LTBP1: variants seen among roughly 807,000 people sequenced by gnomAD.
LTBP1 encodes latent-transforming growth factor beta-binding protein 1.
A neutral mutation model predicts 207.6 loss-of-function variants in LTBP1; 129 were observed. The observed-to-expected ratio is 0.62, with a 90% confidence interval of 0.54 to 0.72. LTBP1 has a LOEUF of 0.72. Ranked by LOEUF, LTBP1 falls within the 30% of genes least tolerant of loss-of-function variation. LTBP1 has a pLI of 0.00. For synonymous variants in LTBP1, 963 were observed against 833.7 expected, an observed-to-expected ratio of 1.16 and a Z score of -2.67; for missense variants, 2,281 against 2,217.2, an observed-to-expected ratio of 1.03 and a Z score of -0.58.
Position 33,309,482 on chromosome 2 carries a change from G to T in LTBP1, c.3530G>T (p.Cys1177Phe). The T allele has an allele frequency of 6.2e-7, 1 of 1,610,602 alleles. No individual in the cohort carries two copies. The highest frequency in any genetic ancestry group is 2.2e-5 in the East Asian group (1 of 44,692). Residue 1177 changes from cysteine to phenylalanine, a missense_variant, in exon 23 of 34, where the codon TGC (cysteine) becomes TTC (phenylalanine). Physicochemically the swap from Cys to Phe is radical, Grantham distance 205. This residue lies in a region of LTBP1 where 1,671 missense variants were observed against 1,634.8 expected (regional missense o/e 1.02). Transcript: ENST00000404816. The part of the protein sequence containing the change: ...EDKSVCQRGD[C>F]INTAGSYDCT... ...AAGAGTGTTTGCCAGAGAGGAGACT[G>T]CATTAATACTGCAGGGTCCTATGAT... is the stretch of plus-strand genomic sequence containing the variant.
At chr2:33,383,236 C>G (rs970514713) in intron 31 of LTBP1, among the ~76,000 whole-genome samples, 1 of 152,148 alleles carries the variant, frequency 6.6e-6, no homozygotes, top group Admixed American at 6.5e-5. Flanking sequence ...ATCTGTAGTC[C>G]CAGCTACTCG....
intron 2 of LTBP1, among the ~76,000 whole-genome samples, chr2:33,009,412 T>C (rs569989585): frequency 6.6e-6 from 1 of 152,314 alleles, no homozygotes; most frequent in South Asian, 2.1e-4. Context: ...CAGATGTAAT[T>C]ATTTAAGATG....
intron 3 of LTBP1, among the ~76,000 whole-genome samples, chr2:33,096,131 C>T (rs979965513): frequency 1.3e-5 from 2 of 152,022 alleles, no homozygotes; most frequent in African/African-American, 4.8e-5. Context: ...TGAGAGCAGC[C>T]AGAGTCATAA....
intron 5 of LTBP1, among the ~76,000 whole-genome samples, chr2:33,180,927 G>A (rs1290096772): frequency 1.3e-5 from 2 of 152,208 alleles, no homozygotes; most frequent in Non-Finnish European, 2.9e-5. Flanking sequence ...CAACAAAAAT[G>A]CTGAAGGCCT....
intron 15 of LTBP1, among the ~76,000 whole-genome samples, chr2:33,271,064 T>C (rs1480355869): frequency 6.6e-6 from 1 of 152,212 alleles, no homozygotes; most frequent in Non-Finnish European, 1.5e-5. Flanking sequence ...ATTTGTGGCA[T>C]AGGAATATAT....
chr2:33,128,535 T>G lies in LTBP1; in HGVS notation c.1034-6258T>G, dbSNP rs1270066126. On this transcript the variant is annotated intron_variant, in intron 4 of 33. Transcript: ENST00000404816. The stretch of plus-strand genomic sequence containing the variant: ...TTTAAAGCTGTGCTGCTGCGAAGAC[T>G]GGCATAGAATCTTTGAGGGAGGTAG... Among the ~76,000 whole-genome samples the G allele has an allele frequency of 4.6e-5, 7 of 152,240 alleles. No homozygotes were observed. In the East Asian group the frequency reaches 1.3e-3, roughly 29 times the overall value.
intron 4 of LTBP1, among the ~76,000 whole-genome samples, chr2:33,127,380 T>C (rs2081495512): frequency 6.6e-6 from 1 of 152,240 alleles, no homozygotes; most frequent in African/African-American, 2.4e-5. Flanking sequence ...TAAAGTTTTG[T>C]GACTTCCAGC....
rs201669598 is a variant in LTBP1 at position 33,187,056 on chromosome 2, G to A, written c.1402G>A (p.Val468Met). 2.5e-5 allele frequency: 41 copies of A among 1,614,020 alleles called. No homozygotes were observed. Among genetic ancestry groups the A allele is most frequent in the Middle Eastern group, 1.6e-4 (1 of 6,084 alleles). The change falls in exon 6 of 34, where the codon GTG becomes ATG. Residue 468 changes from valine to methionine, a missense_variant. Physicochemically the swap from Val to Met is conservative, Grantham distance 21 (BLOSUM62 1). Around this residue, in one of 3 missense-constraint regions of LTBP1, gnomAD observed 1,671 missense variants for 1,634.8 expected, o/e 1.02. Coordinates refer to ENST00000404816, the MANE Select transcript of LTBP1 (RefSeq NM_206943.4). ...TTCAACACATACCTTGCCTCTGACC[G>A]TGACTAGCCAGCAAGGAGTCAAAGG... ...IHSTHTLPLT[V>M]TSQQGVKVKF... is the part of the protein sequence containing the mutation.
chr2:33,353,859 CCT>C (rs1491481275), intron 26 of LTBP1, among the ~76,000 whole-genome samples: 8,465 of 113,084 alleles, frequency 0.075, 697 homozygotes, highest in African/African-American at 0.23. Context: ...TGCATGTACG[CCT>C]TTTTTTTTTT....
chr2:33,079,070 T>A (rs2078254190), intron 3 of LTBP1, among the ~76,000 whole-genome samples: 1 of 151,928 alleles, frequency 6.6e-6, no homozygotes, highest in Admixed American at 6.6e-5. Flanking sequence ...TGTTGGCCAA[T>A]ATGGTAATAT....
At chr2:33,277,703 G>T (rs1033635739) in intron 18 of LTBP1, among the ~76,000 whole-genome samples, 1 of 151,192 alleles carries the variant, frequency 6.6e-6, no homozygotes, top group African/African-American at 2.4e-5. Flanking sequence ...AAGCATTTAT[G>T]TGCAGAGCAG....
At chr2:32,991,108 G>C (rs1170951000) in intron 2 of LTBP1, among the ~76,000 whole-genome samples, 1 of 152,158 alleles carries the variant, frequency 6.6e-6, no homozygotes, top group Non-Finnish European at 1.5e-5. Flanking sequence ...TCCTTTGTTT[G>C]AGTTTGTTAC....
At chr2:33,172,132 G>C (rs2085515745) in intron 5 of LTBP1, among the ~76,000 whole-genome samples, 1 of 152,140 alleles carries the variant, frequency 6.6e-6, no homozygotes, top group Non-Finnish European at 1.5e-5. Context: ...ACATCAAAAT[G>C]ACAGGATCAA....
intron 4 of LTBP1, among the ~76,000 whole-genome samples, chr2:33,122,585 T>C (rs1362858599): frequency 1.3e-5 from 2 of 152,200 alleles, no homozygotes; most frequent in African/African-American, 4.8e-5. Flanking sequence ...TAAGTTAGAA[T>C]TGAACAGTAA....
At chr2:33,396,924 G>T (rs1009238947) in intron 32 of LTBP1, among the ~76,000 whole-genome samples, 1 of 152,122 alleles carries the variant, frequency 6.6e-6, no homozygotes, top group Non-Finnish European at 1.5e-5. Flanking sequence ...TCAAAATGAG[G>T]CTACTCTGCA....
chr2:33,354,080 G>A (rs2094821707), intron 26 of LTBP1, among the ~76,000 whole-genome samples: 1 of 151,966 alleles, frequency 6.6e-6, no homozygotes, highest in Admixed American at 6.6e-5. Context: ...AGCCAGGATG[G>A]TCTCGATCTC....
intron 4 of LTBP1, among the ~76,000 whole-genome samples, chr2:33,129,408 G>A (rs1385834636): frequency 6.6e-6 from 1 of 152,108 alleles, no homozygotes; most frequent in Non-Finnish European, 1.5e-5. Flanking sequence ...AGTTCTAGTG[G>A]ACCCAGAACC....
At chr2:33,239,393 G>A (rs2092207474) in intron 9 of LTBP1, among the ~76,000 whole-genome samples, 1 of 152,172 alleles carries the variant, frequency 6.6e-6, no homozygotes, top group African/African-American at 2.4e-5. Context: ...ATTTATTTTG[G>A]CCTTCATTCT....
At chr2:33,388,511 C>T (rs970805325) in intron 31 of LTBP1, among the ~76,000 whole-genome samples, 6 of 152,074 alleles carry the variant, frequency 3.9e-5, no homozygotes, top group African/African-American at 7.2e-5. Flanking sequence ...GGATGGTGTG[C>T]GTCTTTTAGT....
Sources: gnomAD v4.1 joint callset for allele counts (sites outside exome capture counted in the v4.1 genomes callset) on GRCh38, gnomAD v4.1.1 for gene constraint, gnomAD v4.1.1 regional missense constraint, MANE v1.5 for transcripts, NCBI Gene and HGNC (gene_info 2026-07-23, HGNC 2026-07-21) for gene names.